The following PPP2R5E variants were observed in gnomAD, a reference collection of about 807,000 sequenced individuals.
The protein encoded by PPP2R5E is serine/threonine-protein phosphatase 2A 56 kDa regulatory subunit epsilon isoform.
In PPP2R5E, 4 loss-of-function variants were observed where a neutral mutation model predicts 65.3. That is an observed-to-expected ratio of 0.06 (90% CI 0.03 to 0.14). The LOEUF (loss-of-function observed/expected upper bound fraction) is 0.14. PPP2R5E is among the 10% of genes least tolerant of loss of function. The pLI, the probability that PPP2R5E is intolerant of heterozygous loss-of-function variation, is 1.00. For synonymous variants in PPP2R5E, 183 were observed against 187.4 expected, an observed-to-expected ratio of 0.98 and a Z score of 0.19; for missense variants, 274 against 556.1, an observed-to-expected ratio of 0.49 and a Z score of 5.10.
intron 12 of PPP2R5E, among the ~76,000 whole-genome samples, chr14:63,383,240 C>T (rs1047074347): frequency 2.0e-5 from 3 of 152,148 alleles, no homozygotes; most frequent in Admixed American, 6.5e-5. Context: ...CCGTTGCTTC[C>T]GTTTTGCAAC....
At chr14:63,380,401 G>A (rs561401233) in intron 13 of PPP2R5E, among the ~76,000 whole-genome samples, 56 of 152,022 alleles carry the variant, frequency 3.7e-4, no homozygotes, top group Admixed American at 1.4e-3. Context: ...GGTGGCTTAC[G>A]CCTGTAATCC....
At chr14:63,506,161 A>G (rs1390174223) in intron 2 of PPP2R5E, among the ~76,000 whole-genome samples, 2 of 151,998 alleles carry the variant, frequency 1.3e-5, no homozygotes, top group Non-Finnish European at 2.9e-5. Context: ...CTTAATAACA[A>G]AAAGATTGGC....
intron 5 of PPP2R5E, among the ~76,000 whole-genome samples, chr14:63,411,473 T>C (rs781731431): frequency 1.3e-5 from 2 of 151,820 alleles, no homozygotes; most frequent in Non-Finnish European, 2.9e-5. Flanking sequence ...TGCATTGATA[T>C]AGTTTGGTTT....
rs994835018 is a variant in PPP2R5E, at chr14:63,372,800, C to T, written c.*3209G>A. 1 of 152,178 alleles carries T rather than the reference C, an allele frequency of 6.6e-6. No homozygotes were observed. The highest frequency in any genetic ancestry group is 2.4e-5 in the African/African-American group (1 of 41,446). 9.4% of individuals were successfully genotyped at this position (152,178 alleles called of 1,614,324 possible). On this transcript the variant is annotated 3_prime_UTR_variant, in exon 14 of 14. Coordinates refer to ENST00000337537, the MANE Select transcript of PPP2R5E (RefSeq NM_006246.5). ...GCAAGTCCTGGCTCTGCACCCTGGA[C>T]TATCCCACGCATAGGAGGTACAAAA...
At chr14:63,483,976 A>G (rs1055951340) in intron 2 of PPP2R5E, among the ~76,000 whole-genome samples, 1 of 151,622 alleles carries the variant, frequency 6.6e-6, no homozygotes, top group Non-Finnish European at 1.5e-5. Flanking sequence ...CCAGCTACTC[A>G]GGGGGGCTGA....
chr14:63,422,137 GCA>G (rs767301598), intron 3 of PPP2R5E, 43 bp from the exon 4 acceptor site: 13 of 1,520,398 alleles, frequency 8.6e-6, no homozygotes, highest in Non-Finnish European at 1.1e-5. Flanking sequence ...AGCACCTTCT[GCA>G]CAGTTTTACA....
chr14:63,477,625 T>C (rs1328103817), intron 2 of PPP2R5E, among the ~76,000 whole-genome samples: 1 of 152,058 alleles, frequency 6.6e-6, no homozygotes, highest in Non-Finnish European at 1.5e-5. Flanking sequence ...CTATAAAACT[T>C]AATTGCCAAA....
intron 2 of PPP2R5E, among the ~76,000 whole-genome samples, chr14:63,507,565 G>A (rs1402367701): frequency 6.7e-6 from 1 of 149,958 alleles, no homozygotes; most frequent in Non-Finnish European, 1.5e-5. Context: ...ACTGCAGCAA[G>A]GGTAATTCTC....
In PPP2R5E at chr14:63,446,828, C is replaced by CA. The variant is rs55892835; in HGVS notation, c.354+6860dup. Among the ~76,000 whole-genome samples the CA allele has an allele frequency of 7.6e-5, 7 of 92,128 alleles. No homozygotes were observed. In the East Asian group the frequency reaches 1.7e-3, roughly 22 times the overall value. 60.4% of individuals were successfully genotyped at this position (92,128 alleles called of 152,430 possible). On this transcript the variant is annotated intron_variant, in intron 3 of 13. Coordinates refer to ENST00000337537, the MANE Select transcript of PPP2R5E (RefSeq NM_006246.5). ...TGGGGGACAGAGTGAGACTCCATCT[C>CA]AAAAAAAAAAAAAAAAAAAGAAAAA...
intron 3 of PPP2R5E, among the ~76,000 whole-genome samples, chr14:63,422,557 G>A (rs879543538): frequency 5.9e-5 from 9 of 151,770 alleles, no homozygotes; most frequent in Non-Finnish European, 1.0e-4. Flanking sequence ...AAACCCCGTC[G>A]CTACTAAAAA....
chr14:63,526,084 T>G (rs1893173642), intron 2 of PPP2R5E, among the ~76,000 whole-genome samples: 1 of 152,086 alleles, frequency 6.6e-6, no homozygotes, highest in Non-Finnish European at 1.5e-5. Flanking sequence ...GGTCTCGAAC[T>G]CCTGACTTCA....
chr14:63,507,383 A>G (rs550173028), intron 2 of PPP2R5E, among the ~76,000 whole-genome samples: 1 of 152,088 alleles, frequency 6.6e-6, no homozygotes, highest in East Asian at 1.9e-4. Flanking sequence ...TAATCTCAGA[A>G]GGGCAGTGTG....
At chr14:63,452,867 C>T (rs1393094732) in intron 3 of PPP2R5E, 2 of 152,090 alleles carry the variant, frequency 1.3e-5, no homozygotes, top group Non-Finnish European at 2.9e-5. Flanking sequence ...TGTGCCAGAT[C>T]CTGCAATGGA....
chr14:63,377,408 T>C (rs1209093436), intron 13 of PPP2R5E, among the ~76,000 whole-genome samples: 1 of 152,190 alleles, frequency 6.6e-6, no homozygotes, highest in Admixed American at 6.5e-5. Flanking sequence ...TTTTAAAAGT[T>C]ATATTAATAT....
At position 63,486,293 on chromosome 14, in the gene PPP2R5E, T is replaced by TACACACACACACAC. The variant is rs374427574; in HGVS notation, c.158-32422_158-32409dup. On this transcript the variant is annotated intron_variant, in intron 2 of 13. Transcript: ENST00000337537. ...ACCCCACCCATCTTTCTTTCCCCATTACACACACACACACACACACACACA... is the reference window on the plus strand; with the variant it reads ...ACCCCACCCATCTTTCTTTCCCCATTACACACACACACACACACACACACACACACACACACACA... Among the ~76,000 whole-genome samples the TACACACACACACAC allele has an allele frequency of 4.6e-3, 586 of 128,030 alleles. 2 individuals are homozygous for TACACACACACACAC. The highest frequency in any genetic ancestry group is 0.014 in the African/African-American group (435 of 31,684). 84.0% of individuals were successfully genotyped at this position (128,030 alleles called of 152,430 possible). A position where few individuals can be genotyped will look rare whatever the true frequency, so the allele number is the denominator to read the frequency against.
chr14:63,465,523 G>A (rs2139530464), intron 2 of PPP2R5E, among the ~76,000 whole-genome samples: 1 of 151,878 alleles, frequency 6.6e-6, no homozygotes, highest in East Asian at 1.9e-4. Flanking sequence ...CTACTTAGGA[G>A]GCTGAGGTCA....
chr14:63,404,853 A>G (rs1468099546), intron 5 of PPP2R5E, among the ~76,000 whole-genome samples: 5 of 152,248 alleles, frequency 3.3e-5, no homozygotes, highest in Admixed American at 2.6e-4. Flanking sequence ...CTATTTGGTC[A>G]GCAATTCAAG....
chr14:63,490,620 A>G (rs1891235729), intron 2 of PPP2R5E, among the ~76,000 whole-genome samples: 1 of 152,148 alleles, frequency 6.6e-6, no homozygotes. Context: ...AGCAGTCAAC[A>G]AGCCTATGAA....
Position 63,407,941 on chromosome 14 carries a change from G to GT in PPP2R5E, c.549+7198dup, listed in dbSNP as rs1368547873. 3.9e-5 allele frequency among the ~76,000 whole-genome samples: 6 copies of GT among 152,180 alleles called. No homozygotes were observed. The East Asian group carries it at 1.2e-3, about 29-fold the overall frequency. ...CTTGAACTTCCCAGCCTCCAGAACT[G>GT]TAAGAAATAAACTTCTGTTCTTTAT... is the stretch of plus-strand genomic sequence containing the variant. On this transcript the variant is annotated intron_variant, in intron 5 of 13. Coordinates refer to ENST00000337537, the MANE Select transcript of PPP2R5E (RefSeq NM_006246.5).
Sources: gnomAD v4.1 joint callset for allele counts (sites outside exome capture counted in the v4.1 genomes callset) on GRCh38, gnomAD v4.1.1 for gene constraint, MANE v1.5 for transcripts, NCBI Gene and HGNC (gene_info 2026-07-23, HGNC 2026-07-21) for gene names.